The following STOM variants were observed in gnomAD, a reference collection of about 807,000 sequenced individuals.
STOM encodes the protein stomatin, also known as erythrocyte band 7 integral membrane protein.
STOM carries 25 observed loss-of-function variants against 30.6 expected under a neutral mutation model. The ratio of observed to expected loss-of-function variants is 0.82; its 90% CI spans 0.60 to 1.14. STOM has a LOEUF of 1.14. Among genes scored for constraint, STOM ranks in the 50% most tolerant of loss-of-function variants. The pLI is 0.00. For missense variants in STOM, 292 were observed against 365.2 expected, an observed-to-expected ratio of 0.80 and a Z score of 1.63; for synonymous variants, 118 against 130.8, an observed-to-expected ratio of 0.90 and a Z score of 0.67.
In STOM at chr9:121,348,038, C is replaced by A. The variant is rs1564628116; in HGVS notation, c.637G>T (p.Ala213Ser). The A allele has an allele frequency of 5.6e-6, 9 of 1,614,132 alleles. No homozygotes were observed. The highest frequency in any genetic ancestry group is 7.6e-6 in the Non-Finnish European group (9 of 1,179,988). The change falls in exon 6 of 7, where the codon GCG becomes TCG. Residue 213 changes from alanine to serine, a missense_variant. Coordinates refer to ENST00000286713, the MANE Select transcript of STOM (RefSeq NM_004099.6). ...ACCTTGGCGCGGGCCTCGCGGGACGCTTCTGCTTCTGCAGCCATAGCTCTC... is the reference window on the plus strand; with the variant it reads ...ACCTTGGCGCGGGCCTCGCGGGACGATTCTGCTTCTGCAGCCATAGCTCTC... Reference protein sequence around the residue: ...LQRAMAAEAEASREARAKVIA... With the variant: ...LQRAMAAEAESSREARAKVIA...
chr9:121,369,830 TGC>T, intron 1 of STOM: 2 of 372,386 alleles, frequency 5.4e-6, no homozygotes, highest in Admixed American at 4.3e-5. Flanking sequence ...CTAGTCCGCG[TGC>T]GTGACACGAG....
At chr9:121,342,943 A>C (rs1020425900) in intron 6 of STOM, among the ~76,000 whole-genome samples, 1 of 152,200 alleles carries the variant, frequency 6.6e-6, no homozygotes, top group Non-Finnish European at 1.5e-5. Flanking sequence ...TTACCAGCCG[A>C]ATGTCCTCAG....
At chr9:121,349,796 A>G (rs906069227) in intron 4 of STOM, among the ~76,000 whole-genome samples, 4 of 152,234 alleles carry the variant, frequency 2.6e-5, no homozygotes, top group Admixed American at 1.3e-4. Flanking sequence ...CAAAAAGTGC[A>G]TGGGGAATGT....
chr9:121,359,341 T>C (rs1302257015), intron 1 of STOM, among the ~76,000 whole-genome samples: 11 of 152,324 alleles, frequency 7.2e-5, no homozygotes, highest in Non-Finnish European at 1.5e-4. Flanking sequence ...TTGGGTTGTA[T>C]GTGACTTGGT....
At chr9:121,358,539 A>C (rs1044167930) in intron 1 of STOM, among the ~76,000 whole-genome samples, 3 of 152,200 alleles carry the variant, frequency 2.0e-5, no homozygotes, top group African/African-American at 7.2e-5. Flanking sequence ...TTAACTTTCT[A>C]CTACAGAAAA....
In STOM at chr9:121,370,232, C is replaced by T; in HGVS notation, c.-45G>A. On this transcript the variant is annotated 5_prime_UTR_variant, in exon 1 of 7. Transcript: ENST00000286713. ...CACTCCCCCGTCCTCGTTGCCAAAC[C>T]CGGAGCCGCCGGGAATGCCCTGAGG... The T allele has an allele frequency of 2.0e-6, 3 of 1,530,346 alleles. No individual in the cohort carries two copies. Among genetic ancestry groups the T allele is most frequent in the Non-Finnish European group, 2.6e-6 (3 of 1,135,306 alleles). 94.8% of individuals were successfully genotyped at this position (1,530,346 alleles called of 1,614,324 possible). A position where few individuals can be genotyped will look rare whatever the true frequency, so the allele number is the denominator to read the frequency against.
At chr9:121,365,842 T>C (rs1204993302) in intron 1 of STOM, among the ~76,000 whole-genome samples, 1 of 152,214 alleles carries the variant, frequency 6.6e-6, no homozygotes, top group Non-Finnish European at 1.5e-5. Flanking sequence ...ACCACAACTT[T>C]AAGATCACTA....
intron 1 of STOM, among the ~76,000 whole-genome samples, chr9:121,367,824 TA>T (rs2064519487): frequency 6.6e-6 from 1 of 152,214 alleles, no homozygotes; most frequent in South Asian, 2.1e-4. Flanking sequence ...TCAACTTAAG[TA>T]AAGTACTGAA....
At chr9:121,345,629 T>C (rs905658200) in intron 6 of STOM, among the ~76,000 whole-genome samples, 5 of 152,200 alleles carry the variant, frequency 3.3e-5, no homozygotes, top group African/African-American at 9.7e-5. Flanking sequence ...TCCAAGACAG[T>C]CACTGCCCAG....
At chr9:121,349,012 G>C in intron 5 of STOM, 108 bp downstream of exon 5, 1 of 1,264,108 alleles carries the variant, frequency 7.9e-7, no homozygotes, top group Non-Finnish European at 1.1e-6. Context: ...AAAAAAAAAC[G>C]GTCACAGACC....
chr9:121,339,566 A>G lies in STOM; in HGVS notation c.*1636T>C, dbSNP rs769071456. On this transcript the variant is annotated 3_prime_UTR_variant, in exon 7 of 7. Transcript: ENST00000286713. ...CAGAGTGGTTGAGCTAAAGAGAGCT[A>G]TAAAGGCTCGTGCTGGGAAAGAAAG... is the stretch of plus-strand genomic sequence containing the variant. 4.1e-5 allele frequency: 50 copies of G among 1,231,048 alleles called. No individual in the cohort carries two copies. The highest frequency in any genetic ancestry group is 5.0e-5 in the Non-Finnish European group (49 of 987,672). 76.3% of individuals were successfully genotyped at this position (1,231,048 alleles called of 1,614,324 possible).
rs116721484 is a variant in STOM at position 121,356,232 on chromosome 9, G to A, written c.62-76C>T. ...ACCACCATCTTCATCCTTACCATTC[G>A]CTGAATACCTATGTGCTTGGCACTA... On this transcript the variant is annotated intron_variant, in intron 1 of 6. Coordinates refer to ENST00000286713, the MANE Select transcript of STOM (RefSeq NM_004099.6). The A allele has an allele frequency of 1.6e-4, 201 of 1,231,334 alleles. No individual in the cohort carries two copies. In the African/African-American group the frequency reaches 2.5e-3, roughly 15 times the overall value. 76.3% of individuals were successfully genotyped at this position (1,231,334 alleles called of 1,614,324 possible).
Position 121,349,223 on chromosome 9 carries a change from G to A in STOM, c.422C>T (p.Ser141Leu). ...LAVANITNAD[S>L]ATRLLAQTTL... ...AGTTTGTGCCAAAAGACGGGTTGCT[G>A]AGTCAGCGTTGGTGATATTTGCCAC... is the stretch of plus-strand genomic sequence containing the variant. Residue 141 changes from serine to leucine, a missense_variant, in exon 5 of 7, where the codon TCA (serine) becomes TTA (leucine). By Grantham distance (145) the Ser-to-Leu change is moderately radical. Transcript: ENST00000286713. 1.2e-6 allele frequency: 2 copies of A among 1,614,168 alleles called. No individual in the cohort carries two copies. The highest frequency in any genetic ancestry group is 1.7e-6 in the Non-Finnish European group (2 of 1,179,992).
In STOM at chr9:121,339,599, G is replaced by A; in HGVS notation, c.*1603C>T. The A allele has an allele frequency of 8.1e-7, 1 of 1,231,588 alleles. No homozygotes were observed. The highest frequency in any genetic ancestry group is 4.1e-5 in the South Asian group (1 of 24,292). The allele number at this position is 1,231,588 out of a possible 1,614,324, so 76.3% of individuals were successfully genotyped here. On this transcript the variant is annotated 3_prime_UTR_variant, in exon 7 of 7. Coordinates refer to ENST00000286713, the MANE Select transcript of STOM (RefSeq NM_004099.6). ...TCGTGCTGGGAAAGAAAGCTGTTATGCTTAGACTTCTCTAGGTGAACTCAG... is the reference window on the plus strand; with the variant it reads ...TCGTGCTGGGAAAGAAAGCTGTTATACTTAGACTTCTCTAGGTGAACTCAG...
Position 121,359,088 on chromosome 9 carries a change from G to A in STOM, c.62-2932C>T, listed in dbSNP as rs144953283. Among the ~76,000 whole-genome samples, 116 of 152,270 alleles carry A rather than the reference G, an allele frequency of 7.6e-4. No individual in the cohort carries two copies. In the Middle Eastern group the frequency reaches 0.01, roughly 13 times the overall value. On this transcript the variant is annotated intron_variant, in intron 1 of 6. Transcript: ENST00000286713. ...TAGTAGGTTTTCTTATCAACCACTT[G>A]GAAGGCTTCTGCTGTATTTTCAGGA... is the stretch of plus-strand genomic sequence containing the variant.
Position 121,348,138 on chromosome 9 carries a change from A to C in STOM, c.537T>G (p.Asp179Glu). Residue 179 changes from aspartate to glutamate, a missense_variant, in exon 6 of 7, where the codon GAT (aspartate) becomes GAG (glutamate). Asp to Glu is a conservative substitution (Grantham distance 45). Transcript: ENST00000286713. ...TTATTCCCCAGGCATCAGTGGCATC[A>C]TCCAGAGTAGACTGTTAGGAAGAGA... is the stretch of plus-strand genomic sequence containing the variant. ...EIAHNMQSTL[D>E]DATDAWGIKV... The C allele has an allele frequency of 6.2e-7, 1 of 1,614,178 alleles. No individual in the cohort carries two copies. The highest frequency in any genetic ancestry group is 8.5e-7 in the Non-Finnish European group (1 of 1,180,012).
At position 121,339,571 on chromosome 9, in the gene STOM, G is replaced by A; in HGVS notation, c.*1631C>T. The A allele has an allele frequency of 8.1e-7, 1 of 1,231,238 alleles. No individual in the cohort carries two copies. The highest frequency in any genetic ancestry group is 1.0e-6 in the Non-Finnish European group (1 of 987,724). 76.3% of individuals were successfully genotyped at this position (1,231,238 alleles called of 1,614,324 possible). A position where few individuals can be genotyped will look rare whatever the true frequency, so the allele number is the denominator to read the frequency against. ...TGGTTGAGCTAAAGAGAGCTATAAA[G>A]GCTCGTGCTGGGAAAGAAAGCTGTT... On this transcript the variant is annotated 3_prime_UTR_variant, in exon 7 of 7. Coordinates refer to ENST00000286713, the MANE Select transcript of STOM (RefSeq NM_004099.6).
intron 5 of STOM, among the ~76,000 whole-genome samples, chr9:121,348,880 C>A (rs1042456820): frequency 1.3e-5 from 2 of 151,962 alleles, no homozygotes; most frequent in African/African-American, 4.8e-5. Context: ...ATTACTGATT[C>A]TGGAAAAAAA....
intron 4 of STOM, among the ~76,000 whole-genome samples, chr9:121,349,801 G>A (rs189204658): frequency 1.4e-3 from 209 of 152,322 alleles, no homozygotes; most frequent in Middle Eastern, 3.4e-3. Context: ...AGTGCATGGG[G>A]AATGTTTTTA....
Sources: allele counts gnomAD v4.1 joint callset (sites outside exome capture counted in the v4.1 genomes callset), GRCh38; gene constraint gnomAD v4.1.1; transcripts MANE v1.5; gene names NCBI Gene and HGNC (gene_info 2026-07-23, HGNC 2026-07-21).